Variants in HCN1 observed in about 807,000 individuals in gnomAD.
HCN1 encodes potassium/sodium hyperpolarization-activated cyclic nucleotide-gated channel 1.
In HCN1, 13 loss-of-function variants were observed where a neutral mutation model predicts 78.9. The observed-to-expected ratio is 0.16, with a 90% CI of 0.11 to 0.26. The LOEUF is 0.26. Among genes scored for constraint, HCN1 ranks in the 10% least tolerant of loss-of-function variants. The pLI, the probability that HCN1 is intolerant of heterozygous loss-of-function variation, is 1.00. For synonymous variants in HCN1, 552 were observed against 455.5 expected (o/e 1.21, Z -2.70); for missense variants, 810 against 1,154.3 (o/e 0.70, Z 4.32).
intron 4 of HCN1, among the ~76,000 whole-genome samples, chr5:45,392,800 A>T (rs1018451180): frequency 1.1e-4 from 17 of 152,098 alleles, no homozygotes; most frequent in Admixed American, 2.0e-4. Context: ...AAAAAAAAAA[A>T]AAGCCATCAC....
chr5:45,639,958 G>T (rs1289033503), intron 2 of HCN1, among the ~76,000 whole-genome samples: 2 of 152,044 alleles, frequency 1.3e-5, no homozygotes, highest in African/African-American at 2.4e-5. Context: ...TGCATCTACT[G>T]CACTAGGCTG....
At chr5:45,353,307 T>A in intron 4 of HCN1, 61 bp from the exon 5 acceptor site, 3 of 1,276,642 alleles carry the variant, frequency 2.3e-6, no homozygotes, top group Non-Finnish European at 1.1e-6. Context: ...AGAAATCATA[T>A]TATTTTGTTT....
chr5:45,331,677 A>C (rs530513084), intron 5 of HCN1, among the ~76,000 whole-genome samples: 4 of 151,436 alleles, frequency 2.6e-5, no homozygotes, highest in Non-Finnish European at 4.4e-5. Context: ...GTATCTCAAC[A>C]CACCTGCTCA....
At chr5:45,441,157 C>T (rs925486413) in intron 3 of HCN1, among the ~76,000 whole-genome samples, 17 of 151,988 alleles carry the variant, frequency 1.1e-4, no homozygotes, top group African/African-American at 4.1e-4. Context: ...ATTCTGTTTC[C>T]TTGCTTTAAA....
chr5:45,564,792 G>A (rs1177435117), intron 2 of HCN1, among the ~76,000 whole-genome samples: 1 of 152,146 alleles, frequency 6.6e-6, no homozygotes, highest in Non-Finnish European at 1.5e-5. Context: ...TAAAGAAGGA[G>A]TAGCTGGCAG....
intron 2 of HCN1, among the ~76,000 whole-genome samples, chr5:45,531,637 C>G (rs146371458): frequency 2.3e-3 from 356 of 152,288 alleles, no homozygotes; most frequent in African/African-American, 8.1e-3. Context: ...GCCAGTACCT[C>G]AAGCATACAA....
chr5:45,565,136 T>G (rs992092715), intron 2 of HCN1, among the ~76,000 whole-genome samples: 1 of 152,198 alleles, frequency 6.6e-6, no homozygotes, highest in Non-Finnish European at 1.5e-5. Flanking sequence ...AATAAACTCA[T>G]GAGTAATGAT....
At chr5:45,303,940 T>A (rs1205481736) in intron 5 of HCN1, 101 bp from the exon 6 acceptor site, 25 of 1,054,104 alleles carry the variant, frequency 2.4e-5, no homozygotes, top group Non-Finnish European at 3.4e-5. Context: ...ACATTGTAAT[T>A]TAAATTTAGA....
At chr5:45,665,459 T>TA (rs1023785458) in intron 1 of HCN1, among the ~76,000 whole-genome samples, 9 of 151,426 alleles carry the variant, frequency 5.9e-5, no homozygotes, top group African/African-American at 1.5e-4. Flanking sequence ...AATAATAAAA[T>TA]AAAAAAAAGA....
intron 2 of HCN1, among the ~76,000 whole-genome samples, chr5:45,462,912 T>G (rs1741190837): frequency 6.6e-6 from 1 of 152,070 alleles, no homozygotes; most frequent in Non-Finnish European, 1.5e-5. Flanking sequence ...TAGTTTCTAC[T>G]TATATTTTAC....
At chr5:45,300,609 T>C (rs1221071795) in intron 6 of HCN1, among the ~76,000 whole-genome samples, 1 of 152,162 alleles carries the variant, frequency 6.6e-6, no homozygotes, top group East Asian at 1.9e-4. Context: ...TTTGTATTAT[T>C]GTTAAGGCTT....
chr5:45,549,620 T>A (rs1030819544), intron 2 of HCN1, among the ~76,000 whole-genome samples: 2 of 152,110 alleles, frequency 1.3e-5, no homozygotes, highest in Non-Finnish European at 1.5e-5. Context: ...CCAAAAGTAA[T>A]GGCAACAAAA....
chr5:45,372,153 A>C (rs1241469741), intron 4 of HCN1, among the ~76,000 whole-genome samples: 1 of 57,256 alleles, frequency 1.7e-5, no homozygotes, highest in East Asian at 7.7e-4. Context: ...ATATTATATA[A>C]TATGTTATTA....
chr5:45,401,471 C>A (rs1327562729), intron 3 of HCN1, among the ~76,000 whole-genome samples: 1 of 151,938 alleles, frequency 6.6e-6, no homozygotes, highest in African/African-American at 2.4e-5. Flanking sequence ...CATATAATTA[C>A]TCATATAAAT....
intron 4 of HCN1, among the ~76,000 whole-genome samples, chr5:45,369,440 A>G (rs1561126515): frequency 6.6e-6 from 1 of 152,052 alleles, no homozygotes; most frequent in Non-Finnish European, 1.5e-5. Context: ...AAATATTTCA[A>G]TAACCTGTAT....
Position 45,303,685 on chromosome 5 carries a change from T to A in HCN1, c.1532A>T (p.Lys511Ile). Residue 511 changes from lysine to isoleucine, a missense_variant, in exon 6 of 8, where the codon AAA becomes ATA. Around this residue, in one of 6 missense-constraint regions of HCN1, gnomAD observed 100 missense variants for 126.8 expected, o/e 0.79. Transcript: ENST00000303230. The stretch of plus-strand genomic sequence containing the variant: ...AACACCGTGTTGAATGAAATACATT[T>A]TTTTACCCACGGCTCCTTCTCGTAT... ...YIIREGAVGK[K>I]MYFIQHGVAG... The A allele has an allele frequency of 6.2e-7, 1 of 1,613,670 alleles. No homozygotes were observed. The highest frequency in any genetic ancestry group is 2.2e-5 in the East Asian group (1 of 44,822).
chr5:45,659,479 G>A (rs1034618575), intron 1 of HCN1, among the ~76,000 whole-genome samples: 7 of 108,178 alleles, frequency 6.5e-5, no homozygotes, highest in Non-Finnish European at 1.1e-4. Flanking sequence ...GCTGAGAGAA[G>A]AAGGCTTCAG....
At chr5:45,322,995 G>C (rs1746153176) in intron 5 of HCN1, among the ~76,000 whole-genome samples, 1 of 151,786 alleles carries the variant, frequency 6.6e-6, no homozygotes, top group Admixed American at 6.6e-5. Flanking sequence ...TGTGAGGGAG[G>C]AACTGAGTTT....
intron 4 of HCN1, among the ~76,000 whole-genome samples, chr5:45,372,100 T>TTATATATAATATAATTATATATTA (rs1747395397): frequency 7.2e-4 from 35 of 48,390 alleles, no homozygotes; most frequent in Non-Finnish European, 9.6e-4. Flanking sequence ...TATATATATT[T>TTATATATAATATAATTATATATTA]TATATATAAT....
Sources: gnomAD v4.1 joint callset for allele counts (sites outside exome capture counted in the v4.1 genomes callset) on GRCh38, gnomAD v4.1.1 for gene constraint, gnomAD v4.1.1 regional missense constraint, MANE v1.5 for transcripts, NCBI Gene and HGNC (gene_info 2026-07-23, HGNC 2026-07-21) for gene names.